CSMD1: variants seen among roughly 807,000 people sequenced by gnomAD.
The protein encoded by CSMD1 is CUB and Sushi multiple domains 1.
Under a neutral mutation model 417.5 loss-of-function variants are expected in CSMD1, and 213 were observed. The ratio of observed to expected loss-of-function variants is 0.51; its 90% CI spans 0.46 to 0.57. The LOEUF (loss-of-function observed/expected upper bound fraction) is 0.57, where lower values mean the gene tolerates loss of function less well. Ranked by LOEUF, CSMD1 falls within the 20% of genes least tolerant of loss-of-function variation. The pLI, the probability that CSMD1 is intolerant of heterozygous loss-of-function variation, is 0.00. For missense variants in CSMD1, 6,923 were observed against 4,529.7 expected (o/e 1.53, Z -15.17); for synonymous variants, 2,862 against 1,736.8 (o/e 1.65, Z -16.11).
intron 3 of CSMD1, among the ~76,000 whole-genome samples, chr8:4,279,114 T>C (rs561952226): frequency 1.3e-5 from 2 of 152,316 alleles, no homozygotes; most frequent in East Asian, 1.9e-4. Context: ...CCAACCGTAT[T>C]AGCAAACTTC....
At chr8:3,140,898 G>A (rs1406440063) in intron 41 of CSMD1, among the ~76,000 whole-genome samples, 1 of 152,154 alleles carries the variant, frequency 6.6e-6, no homozygotes, top group Non-Finnish European at 1.5e-5. Flanking sequence ...ATATTTGAAG[G>A]AATAAAAAGG....
intron 23 of CSMD1, among the ~76,000 whole-genome samples, chr8:3,329,161 A>G (rs1007939493): frequency 6.6e-6 from 1 of 152,216 alleles, no homozygotes; most frequent in Non-Finnish European, 1.5e-5. Flanking sequence ...AGGCGATGCC[A>G]TAGCACTCAA....
chr8:3,944,186 C>A (rs936381497), intron 5 of CSMD1, among the ~76,000 whole-genome samples: 1 of 152,012 alleles, frequency 6.6e-6, no homozygotes, highest in African/African-American at 2.4e-5. Flanking sequence ...TTTTGTAAGT[C>A]TGAAATGGTT....
intron 27 of CSMD1, among the ~76,000 whole-genome samples, chr8:3,226,226 G>T (rs1222744328): frequency 6.6e-6 from 1 of 152,084 alleles, no homozygotes; most frequent in Non-Finnish European, 1.5e-5. Flanking sequence ...ATTTGGACTT[G>T]GGGAAAAGCA....
chr8:4,114,044 G>A (rs757581810), intron 3 of CSMD1, among the ~76,000 whole-genome samples: 14 of 152,238 alleles, frequency 9.2e-5, no homozygotes, highest in East Asian at 1.9e-4. Flanking sequence ...TGATGAAGAC[G>A]GCTACAATAA....
At chr8:3,242,657 G>A in intron 26 of CSMD1, among the ~76,000 whole-genome samples, 1 of 151,992 alleles carries the variant, frequency 6.6e-6, no homozygotes, top group East Asian at 1.9e-4. Flanking sequence ...AGGTTTTTAA[G>A]AACACAGGCT....
At chr8:4,706,863 G>T in intron 1 of CSMD1, among the ~76,000 whole-genome samples, 1 of 152,208 alleles carries the variant, frequency 6.6e-6, no homozygotes, top group East Asian at 1.9e-4. Context: ...CTTCTTACAA[G>T]TAGCAAGGGC....
intron 8 of CSMD1, among the ~76,000 whole-genome samples, chr8:3,601,880 T>A (rs1801377420): frequency 6.6e-6 from 1 of 152,128 alleles, no homozygotes. Flanking sequence ...AGGAGAGAGT[T>A]AGTGTTCACA....
At chr8:4,193,531 C>G (rs537309625) in intron 3 of CSMD1, among the ~76,000 whole-genome samples, 1 of 152,138 alleles carries the variant, frequency 6.6e-6, no homozygotes, top group South Asian at 2.1e-4. Flanking sequence ...CAAGGACTGG[C>G]TGAAGAGGTC....
At chr8:4,419,431 G>T (rs998094912) in intron 3 of CSMD1, among the ~76,000 whole-genome samples, 2 of 152,018 alleles carry the variant, frequency 1.3e-5, no homozygotes, top group Non-Finnish European at 2.9e-5. Context: ...TACCTCAAAG[G>T]TATCTAGGCA....
intron 1 of CSMD1, among the ~76,000 whole-genome samples, chr8:4,853,753 G>C (rs1801622805): frequency 6.6e-6 from 1 of 152,144 alleles, no homozygotes; most frequent in Non-Finnish European, 1.5e-5. Flanking sequence ...AAAGTCATAG[G>C]CACTCAACTC....
At chr8:3,152,358 T>C (rs1247256030) in intron 39 of CSMD1, among the ~76,000 whole-genome samples, 1 of 152,222 alleles carries the variant, frequency 6.6e-6, no homozygotes, top group Non-Finnish European at 1.5e-5. Context: ...ATTTCTTATA[T>C]TCCAAAATTA....
chr8:3,724,284 G>T (rs1049943132), intron 6 of CSMD1, among the ~76,000 whole-genome samples: 1 of 151,872 alleles, frequency 6.6e-6, no homozygotes, highest in South Asian at 2.1e-4. Context: ...TGCCATGCTG[G>T]TGTGCCGCAC....
chr8:4,213,028 G>C (rs1293195852), intron 3 of CSMD1, among the ~76,000 whole-genome samples: 2 of 152,050 alleles, frequency 1.3e-5, no homozygotes, highest in Admixed American at 1.3e-4. Context: ...TTTTAAAACT[G>C]AGTTACTAAT....
chr8:3,913,800 C>G (rs1326976286), intron 5 of CSMD1, among the ~76,000 whole-genome samples: 1 of 152,078 alleles, frequency 6.6e-6, no homozygotes, highest in Non-Finnish European at 1.5e-5. Context: ...TGCTGGGCAC[C>G]AGAGTACTAG....
At chr8:4,794,931 G>A (rs548171010) in intron 1 of CSMD1, among the ~76,000 whole-genome samples, 1 of 151,480 alleles carries the variant, frequency 6.6e-6, no homozygotes, top group East Asian at 2.0e-4. Flanking sequence ...AGAACGCTGG[G>A]AAGGGAGTCC....
At chr8:3,621,757 T>C (rs1006625407) in intron 7 of CSMD1, among the ~76,000 whole-genome samples, 8 of 151,108 alleles carry the variant, frequency 5.3e-5, no homozygotes, top group Non-Finnish European at 1.0e-4. Flanking sequence ...TGTTTTATTA[T>C]TATTATTATT....
chr8:4,832,911 CTAAGT>C (rs1312602320), intron 1 of CSMD1, among the ~76,000 whole-genome samples: 1 of 152,072 alleles, frequency 6.6e-6, no homozygotes, highest in African/African-American at 2.4e-5. Flanking sequence ...CTCAAGCACT[CTAAGT>C]TTAGTACCCT....
In CSMD1 at chr8:4,312,955, C is replaced by A. The variant is rs368982402; in HGVS notation, c.415+106998G>T. On this transcript the variant is annotated intron_variant, in intron 3 of 69. Transcript: ENST00000635120. Reference sequence around the variant, plus strand: ...ATAATTTGGAAGCCCAGAGGAAGAGCCCATAATTTGACCTGCAAGGTAAGT... The same window carrying A: ...ATAATTTGGAAGCCCAGAGGAAGAGACCATAATTTGACCTGCAAGGTAAGT... Among the ~76,000 whole-genome samples the A allele has an allele frequency of 1.4e-4, 21 of 152,186 alleles. No homozygotes were observed. In the East Asian group the frequency reaches 4.1e-3, roughly 29 times the overall value.
Sources: gnomAD v4.1 joint callset for allele counts (sites outside exome capture counted in the v4.1 genomes callset) on GRCh38, gnomAD v4.1.1 for gene constraint, MANE v1.5 for transcripts, NCBI Gene and HGNC (gene_info 2026-07-23, HGNC 2026-07-21) for gene names.